NCOA3: variants seen among roughly 807,000 people sequenced by gnomAD.
The protein encoded by NCOA3 is nuclear receptor coactivator 3, also known as CBP-interacting protein.
A neutral mutation model predicts 158.8 loss-of-function variants in NCOA3; 51 were observed. The observed-to-expected ratio is 0.32, with a 90% CI of 0.26 to 0.41. NCOA3 has a LOEUF of 0.41. Among genes scored for constraint, NCOA3 ranks in the 10% least tolerant of loss-of-function variants. The probability of loss-of-function intolerance (pLI) is 1.00; values close to 1 mark genes in which losing one functional copy is unlikely to be tolerated. For missense variants in NCOA3, 1,510 were observed against 1,746.6 expected (o/e 0.86, Z 2.41); for synonymous variants, 537 against 592.4 (o/e 0.91, Z 1.36).
At chr20:47,642,002 A>G (rs1375972133) in intron 16 of NCOA3, among the ~76,000 whole-genome samples, 1 of 152,084 alleles carries the variant, frequency 6.6e-6, no homozygotes, top group Non-Finnish European at 1.5e-5. Context: ...TAAGCTGTAT[A>G]TGGTGGTCTA....
chr20:47,639,261 T>C, intron 14 of NCOA3, 59 bp downstream of exon 14: 1 of 1,356,600 alleles, frequency 7.4e-7, no homozygotes, highest in Non-Finnish European at 1.0e-6. Flanking sequence ...TTAAAATACT[T>C]AAAGCCATCT....
chr20:47,527,695 A>G (rs2084478629), intron 1 of NCOA3, among the ~76,000 whole-genome samples: 1 of 152,218 alleles, frequency 6.6e-6, no homozygotes, highest in Admixed American at 6.5e-5. Flanking sequence ...AAGGAACTGT[A>G]AAACTGTTTA....
intron 1 of NCOA3, among the ~76,000 whole-genome samples, chr20:47,560,089 A>AT (rs962189816): frequency 6.6e-6 from 1 of 151,162 alleles, no homozygotes; most frequent in African/African-American, 2.4e-5. Flanking sequence ...CCTGGCCTTA[A>AT]TTTTTTTTTG....
intron 1 of NCOA3, among the ~76,000 whole-genome samples, chr20:47,532,979 G>A (rs532275030): frequency 2.6e-5 from 4 of 151,356 alleles, no homozygotes; most frequent in Admixed American, 2.0e-4. Context: ...GGTGGCGGGC[G>A]CCTGTAATCC....
intron 1 of NCOA3, among the ~76,000 whole-genome samples, chr20:47,544,316 C>CTTTTTTTTTTTTTT (rs397866275): frequency 6.0e-5 from 6 of 99,710 alleles, no homozygotes; most frequent in African/African-American, 2.3e-4. Context: ...TTTAATACTA[C>CTTTTTTTTTTTTTT]TTTTTTTTTT....
intron 1 of NCOA3, among the ~76,000 whole-genome samples, chr20:47,509,004 A>G (rs2084072107): frequency 6.6e-6 from 1 of 152,176 alleles, no homozygotes; most frequent in East Asian, 1.9e-4. Context: ...GATATGTACA[A>G]TGCTCTTTTA....
chr20:47,514,365 A>G (rs2084196416), intron 1 of NCOA3, among the ~76,000 whole-genome samples: 1 of 152,162 alleles, frequency 6.6e-6, no homozygotes, highest in East Asian at 1.9e-4. Flanking sequence ...AAAAAACAGT[A>G]TAAATTTCAA....
At chr20:47,594,238 C>T (rs1193224303) in intron 2 of NCOA3, among the ~76,000 whole-genome samples, 1 of 152,150 alleles carries the variant, frequency 6.6e-6, no homozygotes, top group Admixed American at 6.5e-5. Context: ...TTGTTTTACA[C>T]ATAATCTCAG....
At chr20:47,576,885 C>T (rs2085380951) in intron 1 of NCOA3, among the ~76,000 whole-genome samples, 1 of 152,206 alleles carries the variant, frequency 6.6e-6, no homozygotes, top group Non-Finnish European at 1.5e-5. Context: ...TTGTGTGATC[C>T]TGCAGCACTG....
At chr20:47,506,848 T>C (rs979129798) in intron 1 of NCOA3, among the ~76,000 whole-genome samples, 1 of 152,216 alleles carries the variant, frequency 6.6e-6, no homozygotes, top group African/African-American at 2.4e-5. Context: ...GTTATTCCTA[T>C]GAAAAGGTAT....
intron 18 of NCOA3, among the ~76,000 whole-genome samples, chr20:47,648,017 T>C (rs1299734797): frequency 6.6e-6 from 1 of 150,988 alleles, no homozygotes; most frequent in Admixed American, 6.6e-5. Flanking sequence ...TGGGTTCAGG[T>C]GATTCTCATG....
chr20:47,631,459 T>A (rs2146313118), intron 8 of NCOA3: 1 of 152,344 alleles, frequency 6.6e-6, no homozygotes, highest in East Asian at 1.9e-4. Context: ...CTGCTTAGAG[T>A]GAAAAGGCCT....
intron 1 of NCOA3, among the ~76,000 whole-genome samples, chr20:47,521,133 G>A (rs890871025): frequency 1.3e-5 from 2 of 152,166 alleles, no homozygotes; most frequent in East Asian, 3.9e-4. Context: ...TTGCTGGCCA[G>A]TTTCTTTCCG....
At position 47,530,526 on chromosome 20, in the gene NCOA3, G is replaced by A. The variant is rs191896634; in HGVS notation, c.-99+28507G>A. ...CACCCAGGCTGTAGGGCCGTGGCAC[G>A]ATCTTGGCTCATTGCAACCTCCGCC... On this transcript the variant is annotated intron_variant, in intron 1 of 22. Transcript: ENST00000371998. Among the ~76,000 whole-genome samples, 19 of 146,952 alleles carry A rather than the reference G, an allele frequency of 1.3e-4. No homozygotes were observed. In the East Asian group the frequency reaches 3.8e-3, roughly 29 times the overall value.
chr20:47,629,816 T>A (rs2086384252), intron 8 of NCOA3, among the ~76,000 whole-genome samples: 1 of 152,222 alleles, frequency 6.6e-6, no homozygotes, highest in Admixed American at 6.5e-5. Flanking sequence ...AGATACTAAA[T>A]AAAATATCTT....
intron 19 of NCOA3, among the ~76,000 whole-genome samples, 187 bp downstream of exon 19, chr20:47,649,296 CAG>C (rs1185935256): frequency 2.6e-5 from 4 of 152,304 alleles, no homozygotes; most frequent in African/African-American, 9.6e-5. Flanking sequence ...TGGGAGGAAT[CAG>C]AGGAGGGAGA....
intron 1 of NCOA3, among the ~76,000 whole-genome samples, chr20:47,561,380 A>G (rs1315683497): frequency 6.7e-6 from 1 of 149,276 alleles, no homozygotes; most frequent in Admixed American, 6.8e-5. Context: ...AGCTCACTGC[A>G]GCTTCAAATT....
intron 1 of NCOA3, among the ~76,000 whole-genome samples, chr20:47,580,352 G>T (rs1218275652): frequency 6.6e-6 from 1 of 151,708 alleles, no homozygotes; most frequent in African/African-American, 2.4e-5. Context: ...ATTTCTTGAG[G>T]TCAAGAGTTC....
At chr20:47,641,114 A>G (rs1420695750) in intron 16 of NCOA3, among the ~76,000 whole-genome samples, 5 of 150,998 alleles carry the variant, frequency 3.3e-5, no homozygotes, top group African/African-American at 7.4e-5. Flanking sequence ...TCTCTACTCA[A>G]TAGAGAGCAA....
Sources: gnomAD v4.1 joint callset for allele counts (sites outside exome capture counted in the v4.1 genomes callset) on GRCh38, gnomAD v4.1.1 for gene constraint, MANE v1.5 for transcripts, NCBI Gene and HGNC (gene_info 2026-07-23, HGNC 2026-07-21) for gene names.